Variants in HSF5 observed in about 807,000 individuals in gnomAD.
HSF5 encodes heat shock factor protein 5.
Under a neutral mutation model 50.8 loss-of-function variants are expected in HSF5, and 5 were observed. That is an observed-to-expected ratio of 0.10 (90% CI 0.05 to 0.21). HSF5 has a LOEUF of 0.21. HSF5 is among the 10% of genes least tolerant of loss of function. The pLI is 1.00. For missense variants in HSF5, 564 were observed against 762.6 expected, an observed-to-expected ratio of 0.74 and a Z score of 3.07; for synonymous variants, 307 against 307.4, an observed-to-expected ratio of 1.00 and a Z score of 0.02.
At chr17:58,487,221 C>T (rs903004673) in intron 1 of HSF5, among the ~76,000 whole-genome samples, 2 of 152,142 alleles carry the variant, frequency 1.3e-5, no homozygotes, top group African/African-American at 4.8e-5. Flanking sequence ...GTTCTAAATT[C>T]TCTTGACTAC....
rs34783781 is a variant in HSF5 at position 58,482,709 on chromosome 17, CAAAAAAAAAAAAAAAA to C, written c.551-2458_551-2443del. On this transcript the variant is annotated intron_variant, in intron 1 of 5. Coordinates refer to ENST00000323777, the MANE Select transcript of HSF5 (RefSeq NM_001080439.3). ...CGGGCAACACAGCAAGACTCCATCT[CAAAAAAAAAAAAAAAA>C]AAAAAAAAAAAGGAAAGAAAGAAAA... 5.9e-3 allele frequency among the ~76,000 whole-genome samples: 79 copies of C among 13,462 alleles called. 2 individuals are homozygous for C. In the East Asian group the frequency reaches 0.2, roughly 33 times the overall value. The allele number at this position is 13,462 out of a possible 152,430, so 8.8% of individuals were successfully genotyped here.
intron 5 of HSF5, among the ~76,000 whole-genome samples, chr17:58,431,526 TTGAC>T (rs1974365018): frequency 6.6e-6 from 1 of 152,226 alleles, no homozygotes; most frequent in Admixed American, 6.5e-5. Context: ...TGGTCTGTCA[TTGAC>T]TGAATGTCAT....
At chr17:58,436,536 T>G (rs115910939) in intron 5 of HSF5, among the ~76,000 whole-genome samples, 2 of 150,580 alleles carry the variant, frequency 1.3e-5, no homozygotes, top group Admixed American at 6.6e-5. Context: ...AGGCTTTACT[T>G]AGAAAAAAAA....
At chr17:58,432,663 G>C (rs187752336) in intron 5 of HSF5, among the ~76,000 whole-genome samples, 123 of 152,088 alleles carry the variant, frequency 8.1e-4, no homozygotes, top group African/African-American at 2.8e-3. Context: ...ACCACAGTAA[G>C]GATTCTCAGA....
Position 58,479,976 on chromosome 17 carries a change from C to A in HSF5, c.842G>T (p.Gly281Val). 6.2e-7 allele frequency: 1 copy of A among 1,613,972 alleles called. No individual in the cohort carries two copies. The highest frequency in any genetic ancestry group is 8.5e-7 in the Non-Finnish European group (1 of 1,179,972). ...GGAGGAGCTGACCATTGTTTGAGGA[C>A]CTTGTTGAACATGTACAGATGTGGT... ...PSTTSVHVQQ[G>V]PQTMVSSSQK... Residue 281 changes from glycine to valine, a missense_variant, in exon 2 of 6, where the codon GGT (glycine) becomes GTT (valine). Transcript: ENST00000323777.
intron 5 of HSF5, among the ~76,000 whole-genome samples, chr17:58,422,664 T>C (rs933901339): frequency 6.6e-6 from 1 of 151,412 alleles, no homozygotes; most frequent in Non-Finnish European, 1.5e-5. Flanking sequence ...TTTTCAGTAG[T>C]ATAGCCAAGA....
chr17:58,449,947 C>T lies in HSF5; in HGVS notation c.1720+8821G>A, dbSNP rs575448655. ...CTGAGGCAGGAGAATGGCGTGAACC[C>T]GGGAGACGGAGCTTGCAGTGAGCCG... On this transcript the variant is annotated intron_variant, in intron 5 of 5. Transcript: ENST00000323777. Among the ~76,000 whole-genome samples the T allele has an allele frequency of 1.4e-3, 195 of 139,204 alleles. 1 individual carries two copies. The highest frequency in any genetic ancestry group is 2.1e-3 in the Non-Finnish European group (136 of 65,162). The allele number at this position is 139,204 out of a possible 152,430, so 91.3% of individuals were successfully genotyped here. A position where few individuals can be genotyped will look rare whatever the true frequency, so the allele number is the denominator to read the frequency against.
chr17:58,437,949 C>G (rs972033760), intron 5 of HSF5, among the ~76,000 whole-genome samples: 2 of 152,134 alleles, frequency 1.3e-5, no homozygotes, highest in Admixed American at 6.5e-5. Context: ...TGAGTCAAAA[C>G]TCATAAGCAT....
chr17:58,446,889 G>C (rs1451214298), intron 5 of HSF5, among the ~76,000 whole-genome samples: 1 of 152,210 alleles, frequency 6.6e-6, no homozygotes, highest in African/African-American at 2.4e-5. Context: ...CACTTTGGGA[G>C]GCCGAGGAGG....
At chr17:58,424,104 C>T (rs981728745) in intron 5 of HSF5, among the ~76,000 whole-genome samples, 1 of 152,104 alleles carries the variant, frequency 6.6e-6, no homozygotes, top group African/African-American at 2.4e-5. Flanking sequence ...CCATATAGAA[C>T]AAGTAATTTA....
At chr17:58,475,192 G>C (rs1480229585) in intron 2 of HSF5, among the ~76,000 whole-genome samples, 1 of 151,938 alleles carries the variant, frequency 6.6e-6, no homozygotes, top group Non-Finnish European at 1.5e-5. Context: ...GCTATATTTA[G>C]GTACAATGAG....
At chr17:58,453,100 T>G (rs1208395206) in intron 5 of HSF5, among the ~76,000 whole-genome samples, 1 of 152,196 alleles carries the variant, frequency 6.6e-6, no homozygotes, top group Admixed American at 6.5e-5. Context: ...CACTGCTAAA[T>G]TCTACCAAAC....
intron 5 of HSF5, among the ~76,000 whole-genome samples, chr17:58,451,458 A>AT (rs1384768440): frequency 4.6e-5 from 7 of 152,158 alleles, no homozygotes; most frequent in East Asian, 1.9e-4. Flanking sequence ...AGTCTTAACA[A>AT]TTTTTTTTAA....
intron 5 of HSF5, among the ~76,000 whole-genome samples, chr17:58,431,349 C>T (rs1194808215): frequency 1.3e-5 from 2 of 152,148 alleles, no homozygotes; most frequent in Non-Finnish European, 2.9e-5. Flanking sequence ...ATGCTGAACA[C>T]TGTAGGCAAT....
chr17:58,459,259 A>C (rs1222792507), intron 4 of HSF5, among the ~76,000 whole-genome samples: 3 of 151,842 alleles, frequency 2.0e-5, no homozygotes, highest in Non-Finnish European at 2.9e-5. Context: ...GCGGGAGTAC[A>C]GTGGTACAAT....
chr17:58,452,052 C>G (rs1177888836), intron 5 of HSF5, among the ~76,000 whole-genome samples: 1 of 150,728 alleles, frequency 6.6e-6, no homozygotes, highest in African/African-American at 2.4e-5. Flanking sequence ...TCAAGACTAG[C>G]CTGGGCAACC....
intron 1 of HSF5, among the ~76,000 whole-genome samples, chr17:58,485,923 G>A (rs1172052997): frequency 2.0e-5 from 3 of 147,074 alleles, no homozygotes; most frequent in Non-Finnish European, 3.0e-5. Context: ...AAAAATTAGC[G>A]AGGTGTGGTG....
chr17:58,456,114 G>GAT lies in HSF5; in HGVS notation c.1720+2652_1720+2653dup, dbSNP rs148227330. On this transcript the variant is annotated intron_variant, in intron 5 of 5. Coordinates refer to ENST00000323777, the MANE Select transcript of HSF5 (RefSeq NM_001080439.3). ...ATCTACAGATGAATAAAGAAAATGTGATATATATATATATATGTGTGTGTG... is the reference window on the plus strand; with the variant it reads ...ATCTACAGATGAATAAAGAAAATGTGATATATATATATATATATGTGTGTGTG... Among the ~76,000 whole-genome samples, 1,006 of 145,388 alleles carry GAT rather than the reference G, an allele frequency of 6.9e-3. 9 individuals are homozygous for GAT. Among genetic ancestry groups the GAT allele is most frequent in the African/African-American group, 0.019 (731 of 39,434 alleles).
intron 5 of HSF5, among the ~76,000 whole-genome samples, 171 bp from the exon 6 acceptor site, chr17:58,422,601 C>T (rs187355386): frequency 6.6e-6 from 1 of 152,080 alleles, no homozygotes; most frequent in Admixed American, 6.6e-5. Context: ...CTAAAGCACA[C>T]TGATGCAGCC....
Sources: gnomAD v4.1 joint callset for allele counts (sites outside exome capture counted in the v4.1 genomes callset) on GRCh38, gnomAD v4.1.1 for gene constraint, MANE v1.5 for transcripts, NCBI Gene and HGNC (gene_info 2026-07-23, HGNC 2026-07-21) for gene names.